Variants in TMIGD3 observed in about 807,000 individuals in gnomAD.
The protein encoded by TMIGD3 is AD026 protein (AD026).
Under a neutral mutation model 28.1 loss-of-function variants are expected in TMIGD3, and 21 were observed. The ratio of observed to expected loss-of-function variants is 0.75; its 90% CI spans 0.53 to 1.08. The LOEUF (loss-of-function observed/expected upper bound fraction) is 1.08. Ranked by LOEUF, TMIGD3 falls within the 50% of genes least tolerant of loss-of-function variation. The pLI, the probability that TMIGD3 is intolerant of heterozygous loss-of-function variation, is 0.00. For missense variants in TMIGD3, 416 were observed against 435.6 expected, an observed-to-expected ratio of 0.96 and a Z score of 0.40; for synonymous variants, 151 against 162.1, an observed-to-expected ratio of 0.93 and a Z score of 0.52.
intron 3 of TMIGD3, 87 bp from the exon 4 acceptor site, chr1:111,486,739 T>C: frequency 8.7e-7 from 1 of 1,146,768 alleles, no homozygotes; most frequent in Non-Finnish European, 1.3e-6. Flanking sequence ...CCTGTCATTC[T>C]ATGTCCAGAG....
At chr1:111,551,026 T>C (rs1182351950) in intron 1 of TMIGD3, among the ~76,000 whole-genome samples, 1 of 152,234 alleles carries the variant, frequency 6.6e-6, no homozygotes, top group East Asian at 1.9e-4. Flanking sequence ...GTCTGACACA[T>C]TTGTCTGGTT....
intron 1 of TMIGD3, chr1:111,500,655 A>G (rs766503070): frequency 6.0e-5 from 70 of 1,158,974 alleles, no homozygotes; most frequent in Non-Finnish European, 8.7e-5. Flanking sequence ...GAGATAAGGC[A>G]TATACTCTCT....
At chr1:111,486,521 C>T in intron 4 of TMIGD3, 65 bp downstream of exon 4, 1 of 1,215,256 alleles carries the variant, frequency 8.2e-7, no homozygotes, top group South Asian at 1.2e-5. Flanking sequence ...CATACTGCTG[C>T]CACCCCAGCC....
intron 1 of TMIGD3, among the ~76,000 whole-genome samples, chr1:111,527,689 T>G (rs1489221215): frequency 6.6e-6 from 1 of 152,246 alleles, no homozygotes; most frequent in Non-Finnish European, 1.5e-5. Context: ...GTTTTGAATT[T>G]TGGCCATTCT....
chr1:111,489,590 C>T (rs757181393), intron 2 of TMIGD3: 1 of 1,106,308 alleles, frequency 9.0e-7, no homozygotes, highest in South Asian at 2.1e-5. Flanking sequence ...GTCCTTTTCC[C>T]TGGCCTAAGG....
At chr1:111,495,288 C>A (rs902013627) in intron 1 of TMIGD3, among the ~76,000 whole-genome samples, 13 of 152,130 alleles carry the variant, frequency 8.5e-5, no homozygotes, top group Non-Finnish European at 1.6e-4. Context: ...ACAAACAGCC[C>A]ATTAAAAGGT....
At chr1:111,485,483 G>C in intron 5 of TMIGD3, 1 of 386,166 alleles carries the variant, frequency 2.6e-6, no homozygotes, top group East Asian at 4.2e-5. Flanking sequence ...AACCTGGTGT[G>C]GTTGTCTCAG....
chr1:111,520,459 G>A (rs890667895), intron 1 of TMIGD3, among the ~76,000 whole-genome samples: 2 of 152,226 alleles, frequency 1.3e-5, no homozygotes, highest in Non-Finnish European at 2.9e-5. Flanking sequence ...CTCCCATGCA[G>A]GAAACTGGAA....
At chr1:111,533,660 A>T (rs972151219) in intron 1 of TMIGD3, among the ~76,000 whole-genome samples, 4 of 151,914 alleles carry the variant, frequency 2.6e-5, no homozygotes, top group African/African-American at 9.7e-5. Flanking sequence ...CTCAAGTGAT[A>T]CTCTTGCCTC....
intron 1 of TMIGD3, among the ~76,000 whole-genome samples, chr1:111,520,844 A>G (rs1244337669): frequency 6.6e-6 from 1 of 152,206 alleles, no homozygotes; most frequent in Non-Finnish European, 1.5e-5. Flanking sequence ...ACCTTTATTG[A>G]AGTCTAATTA....
intron 1 of TMIGD3, among the ~76,000 whole-genome samples, chr1:111,531,773 A>G (rs1656467080): frequency 6.6e-6 from 1 of 152,276 alleles, no homozygotes; most frequent in African/African-American, 2.4e-5. Flanking sequence ...GCTGTACTCA[A>G]ACTCCTGAGC....
intron 1 of TMIGD3, among the ~76,000 whole-genome samples, chr1:111,553,255 A>C (rs1324051328): frequency 6.6e-6 from 1 of 152,254 alleles, no homozygotes; most frequent in Non-Finnish European, 1.5e-5. Context: ...GTATGCACAC[A>C]TTCCATTATA....
In TMIGD3 at chr1:111,490,762, T is replaced by C. The variant is rs916370147; in HGVS notation, c.351A>G (p.Arg117=). Residue 117 remains arginine (R), a splice_region_variant and synonymous_variant, in exon 2 of 6, where the codon AGA becomes AGG. Transcript: ENST00000369716. ...DRYLRVKLTV[R]FRIPGLPGCI... ...ACCCAGGGAGCCCAGGAATTCTGAA[T>C]CTGTTTAAGGGAAACAGATATGCTT... is the stretch of plus-strand genomic sequence containing the variant. 8.1e-6 allele frequency: 13 copies of C among 1,610,520 alleles called. No homozygotes were observed. Among genetic ancestry groups the C allele is most frequent in the Non-Finnish European group, 1.1e-5 (13 of 1,177,270 alleles).
intron 1 of TMIGD3, chr1:111,500,642 G>GA: frequency 7.9e-7 from 1 of 1,265,900 alleles, no homozygotes; most frequent in Non-Finnish European, 1.1e-6. Flanking sequence ...GAGAGAGAGA[G>GA]GTGAGATAAG....
intron 1 of TMIGD3, among the ~76,000 whole-genome samples, chr1:111,551,254 A>G (rs1484964184): frequency 1.3e-5 from 2 of 152,308 alleles, no homozygotes; most frequent in East Asian, 3.9e-4. Context: ...CTGAAAAGAA[A>G]GGGCTTACGT....
intron 1 of TMIGD3, among the ~76,000 whole-genome samples, chr1:111,492,611 C>T (rs1007280313): frequency 2.0e-5 from 3 of 151,936 alleles, no homozygotes; most frequent in Non-Finnish European, 2.9e-5. Flanking sequence ...GTCAGGAGTT[C>T]GAGACCAGCC....
intron 1 of TMIGD3, among the ~76,000 whole-genome samples, chr1:111,529,029 C>T (rs1034642293): frequency 2.0e-5 from 3 of 151,954 alleles, no homozygotes; most frequent in Non-Finnish European, 4.4e-5. Flanking sequence ...GCTAGAACTT[C>T]CAGTACAATA....
At chr1:111,492,496 A>G (rs1274920182) in intron 1 of TMIGD3, among the ~76,000 whole-genome samples, 1 of 152,196 alleles carries the variant, frequency 6.6e-6, no homozygotes, top group African/African-American at 2.4e-5. Flanking sequence ...TTGTGCACAG[A>G]TATCAGCAAA....
chr1:111,538,981 A>AG, intron 1 of TMIGD3, among the ~76,000 whole-genome samples: 2 of 152,178 alleles, frequency 1.3e-5, no homozygotes, highest in East Asian at 1.9e-4. Context: ...CCTGATCCCC[A>AG]GGACCTACAC....
Sources: allele counts gnomAD v4.1 joint callset (sites outside exome capture counted in the v4.1 genomes callset), GRCh38; gene constraint gnomAD v4.1.1; transcripts MANE v1.5; gene names NCBI Gene and HGNC (gene_info 2026-07-23, HGNC 2026-07-21).